Variants in TAFA2 observed in about 807,000 individuals in gnomAD.
The protein encoded by TAFA2 is TAFA chemokine like family member 2, also known as chemokine-like protein TAFA-2.
Under a neutral mutation model 18.8 loss-of-function variants are expected in TAFA2, and 7 were observed. The observed-to-expected ratio is 0.37, with a 90% CI of 0.21 to 0.70. The LOEUF (loss-of-function observed/expected upper bound fraction) is 0.70, where lower values mean the gene tolerates loss of function less well. Ranked by LOEUF, TAFA2 falls within the 30% of genes least tolerant of loss-of-function variation. The pLI, the probability that TAFA2 is intolerant of heterozygous loss-of-function variation, is 0.53. For missense variants in TAFA2, 122 were observed against 158.1 expected, an observed-to-expected ratio of 0.77 and a Z score of 1.23; for synonymous variants, 60 against 54.2, an observed-to-expected ratio of 1.11 and a Z score of -0.47.
chr12:61,762,243 T>C (rs929985703), intron 2 of TAFA2, among the ~76,000 whole-genome samples: 2 of 152,058 alleles, frequency 1.3e-5, no homozygotes, highest in African/African-American at 4.8e-5. Flanking sequence ...CTTCCTGAAG[T>C]TCTAAACACA....
intron 2 of TAFA2, among the ~76,000 whole-genome samples, chr12:61,806,351 T>C (rs997905915): frequency 5.9e-5 from 9 of 152,182 alleles, no homozygotes; most frequent in Non-Finnish European, 1.3e-4. Context: ...AGCTCTCTTC[T>C]CTTGTCTGCC....
intron 1 of TAFA2, among the ~76,000 whole-genome samples, chr12:62,123,201 ACTCT>A (rs1020817944): frequency 6.6e-6 from 1 of 152,022 alleles, no homozygotes; most frequent in Non-Finnish European, 1.5e-5. Flanking sequence ...TCAACTGCAT[ACTCT>A]CTCTCTATGC....
chr12:62,138,356 T>C (rs2062214835), intron 1 of TAFA2, among the ~76,000 whole-genome samples: 1 of 152,186 alleles, frequency 6.6e-6, no homozygotes, highest in Non-Finnish European at 1.5e-5. Context: ...CCCTTCTTTA[T>C]TTTTTCCATG....
intron 1 of TAFA2, among the ~76,000 whole-genome samples, chr12:62,094,106 A>G (rs1868840625): frequency 6.6e-6 from 1 of 152,088 alleles, no homozygotes; most frequent in Admixed American, 6.6e-5. Context: ...TAGGTACCTA[A>G]GACACTAGAA....
At chr12:62,231,458 T>C (rs1233628267) in intron 1 of TAFA2, among the ~76,000 whole-genome samples, 1 of 152,254 alleles carries the variant, frequency 6.6e-6, no homozygotes, top group East Asian at 1.9e-4. Flanking sequence ...CTTCACTTTC[T>C]ACGTCTTTTT....
At chr12:61,976,506 C>T (rs1309726240) in intron 1 of TAFA2, among the ~76,000 whole-genome samples, 1 of 151,828 alleles carries the variant, frequency 6.6e-6, no homozygotes, top group Non-Finnish European at 1.5e-5. Flanking sequence ...ATTTTGAATC[C>T]AATCAGCAAT....
At chr12:62,020,808 A>C (rs1881103819) in intron 1 of TAFA2, among the ~76,000 whole-genome samples, 1 of 152,172 alleles carries the variant, frequency 6.6e-6, no homozygotes, top group African/African-American at 2.4e-5. Context: ...CAATGGCCAA[A>C]ATTTTTCTGT....
chr12:61,901,268 T>G lies in TAFA2; in HGVS notation c.-1-33842A>C. ...TAACTCTTCAATTTCACTTTTTTTTTTTTTTTTTTTTTTTTTTTTTTATTA... is the reference window on the plus strand; with the variant it reads ...TAACTCTTCAATTTCACTTTTTTTTGTTTTTTTTTTTTTTTTTTTTTATTA... On this transcript the variant is annotated intron_variant, in intron 1 of 4. Coordinates refer to ENST00000416284, the MANE Select transcript of TAFA2 (RefSeq NM_178539.5). 4.0e-4 allele frequency among the ~76,000 whole-genome samples: 2 copies of G among 4,946 alleles called. 1 individual carries two copies. The highest frequency in any genetic ancestry group is 0.015 in the African/African-American group (2 of 136). 3.2% of individuals were successfully genotyped at this position (4,946 alleles called of 152,430 possible).
intron 1 of TAFA2, among the ~76,000 whole-genome samples, chr12:61,936,863 T>C (rs941103806): frequency 1.1e-4 from 16 of 151,816 alleles, no homozygotes; most frequent in African/African-American, 1.7e-4. Context: ...AATTGGAAAA[T>C]AGGAAATCAA....
upstream of TAFA2, chr12:62,192,812 A>G (rs767984700): frequency 2.6e-5 from 4 of 152,244 alleles, no homozygotes; most frequent in Non-Finnish European, 5.9e-5. Context: ...AGAACGAGAC[A>G]GTAAAAGATG....
At chr12:61,851,690 G>A (rs1271910172) in intron 2 of TAFA2, among the ~76,000 whole-genome samples, 3 of 144,020 alleles carry the variant, frequency 2.1e-5, no homozygotes, top group African/African-American at 7.6e-5. Flanking sequence ...CAGGAGAATG[G>A]CATGAACCTG....
chr12:61,928,893 C>T (rs1877425749), intron 1 of TAFA2, among the ~76,000 whole-genome samples: 1 of 152,014 alleles, frequency 6.6e-6, no homozygotes, highest in Admixed American at 6.6e-5. Flanking sequence ...TCATTCTCAG[C>T]AAACTAACAC....
At chr12:61,969,273 T>G (rs1009907285) in intron 1 of TAFA2, among the ~76,000 whole-genome samples, 7 of 151,792 alleles carry the variant, frequency 4.6e-5, no homozygotes, top group African/African-American at 1.7e-4. Context: ...AAAAAACGAT[T>G]GTTTTAATAA....
chr12:62,202,458 G>C (rs143359210), intron 1 of TAFA2, among the ~76,000 whole-genome samples: 1 of 151,398 alleles, frequency 6.6e-6, no homozygotes, highest in African/African-American at 2.4e-5. Flanking sequence ...TGATTCTCTC[G>C]CCTCAGCCTC....
chr12:61,952,566 A>G (rs1157382147), intron 1 of TAFA2, among the ~76,000 whole-genome samples: 1 of 152,116 alleles, frequency 6.6e-6, no homozygotes, highest in African/African-American at 2.4e-5. Context: ...AGATAAGCCC[A>G]TTGGAAACAA....
At chr12:62,141,584 A>T (rs1186520715) in intron 1 of TAFA2, among the ~76,000 whole-genome samples, 2 of 152,110 alleles carry the variant, frequency 1.3e-5, no homozygotes, top group African/African-American at 4.8e-5. Context: ...ATTTTACTAT[A>T]CATTGCAGTT....
At chr12:62,249,940 G>A (rs1456510017) in intron 1 of TAFA2, among the ~76,000 whole-genome samples, 9 of 152,008 alleles carry the variant, frequency 5.9e-5, no homozygotes, top group African/African-American at 1.9e-4. Context: ...TTTTTTGGGG[G>A]GCCTAAAATT....
At chr12:62,025,461 C>T (rs988482912) in intron 1 of TAFA2, among the ~76,000 whole-genome samples, 11 of 152,088 alleles carry the variant, frequency 7.2e-5, no homozygotes, top group Admixed American at 2.0e-4. Context: ...ACTTTTTGAA[C>T]GAGAAAAAAT....
rs575409210 is a variant in TAFA2, at chr12:61,978,826, T to C, written c.-1-111400A>G. On this transcript the variant is annotated intron_variant, in intron 1 of 4. Coordinates refer to ENST00000416284, the MANE Select transcript of TAFA2 (RefSeq NM_178539.5). ...ATCATACTTCAAGAAACTGCAAGGA[T>C]TGAAGTCCCAAGTGAGCAGTAGCTA... Among the ~76,000 whole-genome samples, 44 of 152,208 alleles carry C rather than the reference T, an allele frequency of 2.9e-4. 1 individual carries two copies. In the South Asian group the frequency reaches 7.5e-3, roughly 26 times the overall value.
Sources: allele counts gnomAD v4.1 joint callset (sites outside exome capture counted in the v4.1 genomes callset), GRCh38; gene constraint gnomAD v4.1.1; transcripts MANE v1.5; gene names NCBI Gene and HGNC (gene_info 2026-07-23, HGNC 2026-07-21).